The following NEGR1 variants were observed in gnomAD, a reference collection of about 807,000 sequenced individuals.
NEGR1 encodes IgLON family member 4.
Under a neutral mutation model 40.9 loss-of-function variants are expected in NEGR1, and 10 were observed. The ratio of observed to expected loss-of-function variants is 0.24; its 90% CI spans 0.15 to 0.42. NEGR1 has a LOEUF of 0.42. NEGR1 is among the 10% of genes least tolerant of loss of function. The probability of loss-of-function intolerance (pLI) is 1.00; values close to 1 mark genes in which losing one functional copy is unlikely to be tolerated. For missense variants in NEGR1, 352 were observed against 438.9 expected, an observed-to-expected ratio of 0.80 and a Z score of 1.77; for synonymous variants, 185 against 166.8, an observed-to-expected ratio of 1.11 and a Z score of -0.84.
intron 1 of NEGR1, among the ~76,000 whole-genome samples, chr1:72,024,021 A>C (rs1196744980): frequency 3.9e-5 from 6 of 152,096 alleles, no homozygotes; most frequent in Admixed American, 6.6e-5. Context: ...TATATAAGCT[A>C]TCATATTTCC....
chr1:72,217,329 T>A (rs1393389260), intron 1 of NEGR1, among the ~76,000 whole-genome samples: 6 of 151,892 alleles, frequency 4.0e-5, no homozygotes, highest in African/African-American at 1.4e-4. Flanking sequence ...AAAATTGAAC[T>A]TTTTCAACAA....
intron 1 of NEGR1, among the ~76,000 whole-genome samples, chr1:71,994,865 T>C (rs1455079541): frequency 1.3e-5 from 2 of 152,066 alleles, no homozygotes; most frequent in African/African-American, 4.8e-5. Context: ...TTTTTTTCAC[T>C]CTTACCTTGA....
intron 6 of NEGR1, among the ~76,000 whole-genome samples, chr1:71,491,572 C>T (rs1014739972): frequency 9.3e-6 from 1 of 107,556 alleles, no homozygotes; most frequent in African/African-American, 3.4e-5. Flanking sequence ...CACCTCAGGG[C>T]TTGACTTTTT....
intron 1 of NEGR1, among the ~76,000 whole-genome samples, chr1:72,269,583 A>G (rs1001824945): frequency 7.2e-5 from 11 of 151,820 alleles, no homozygotes; most frequent in Admixed American, 7.2e-4. Context: ...CTCAGCTTCT[A>G]TGAGGTTGTT....
chr1:71,880,332 T>G (rs1660548562), intron 2 of NEGR1, among the ~76,000 whole-genome samples: 1 of 152,072 alleles, frequency 6.6e-6, no homozygotes, highest in African/African-American at 2.4e-5. Context: ...ACAATTTTAC[T>G]ATACTCTTAG....
At chr1:71,685,858 G>T (rs938343486) in intron 4 of NEGR1, among the ~76,000 whole-genome samples, 1 of 152,006 alleles carries the variant, frequency 6.6e-6, no homozygotes, top group Non-Finnish European at 1.5e-5. Flanking sequence ...ATACTTTTTT[G>T]AAGAAACTTA....
chr1:72,213,992 C>T (rs927494565), intron 1 of NEGR1, among the ~76,000 whole-genome samples: 7 of 152,014 alleles, frequency 4.6e-5, no homozygotes, highest in South Asian at 2.1e-4. Context: ...ATGAATCTAG[C>T]GGCACATCAA....
chr1:71,597,997 A>G (rs762242912), intron 5 of NEGR1, among the ~76,000 whole-genome samples: 2 of 152,194 alleles, frequency 1.3e-5, no homozygotes, highest in Non-Finnish European at 2.9e-5. Context: ...AACTTTAAGC[A>G]TGTTGAAATG....
chr1:71,784,670 C>G (rs564416026), intron 2 of NEGR1, among the ~76,000 whole-genome samples: 1 of 152,272 alleles, frequency 6.6e-6, no homozygotes, highest in Non-Finnish European at 1.5e-5. Context: ...AAATTACTTT[C>G]TTCTATTTTC....
intron 3 of NEGR1, among the ~76,000 whole-genome samples, chr1:71,745,309 A>T (rs896580031): frequency 6.6e-6 from 1 of 152,184 alleles, no homozygotes; most frequent in African/African-American, 2.4e-5. Context: ...CTTCCAGTGC[A>T]ACGTCTAAAA....
At chr1:71,635,028 G>A (rs994338252) in intron 4 of NEGR1, among the ~76,000 whole-genome samples, 3 of 152,034 alleles carry the variant, frequency 2.0e-5, no homozygotes, top group Non-Finnish European at 4.4e-5. Flanking sequence ...AATGATTAAT[G>A]AAATAGAAGG....
intron 2 of NEGR1, among the ~76,000 whole-genome samples, chr1:71,931,463 A>T (rs1175151846): frequency 2.1e-5 from 3 of 144,296 alleles, no homozygotes; most frequent in Non-Finnish European, 4.5e-5. Flanking sequence ...TATTTGGCTC[A>T]TATTTTTGGG....
chr1:71,771,526 C>A (rs1018843563), intron 3 of NEGR1, among the ~76,000 whole-genome samples: 4 of 151,466 alleles, frequency 2.6e-5, no homozygotes, highest in Non-Finnish European at 5.9e-5. Flanking sequence ...CATGGAGAAA[C>A]CCTCTCTCTA....
chr1:71,809,958 A>T (rs1313366482), intron 2 of NEGR1, among the ~76,000 whole-genome samples: 1 of 151,986 alleles, frequency 6.6e-6, no homozygotes, highest in East Asian at 1.9e-4. Context: ...CATCTCAGAC[A>T]AATGGTAATT....
chr1:71,622,706 T>G (rs1028855630), intron 4 of NEGR1, among the ~76,000 whole-genome samples: 1 of 151,630 alleles, frequency 6.6e-6, no homozygotes, highest in Admixed American at 6.6e-5. Context: ...TCGAGATAGG[T>G]GAAGTCAATC....
chr1:72,036,844 T>C (rs1489690034), intron 1 of NEGR1, among the ~76,000 whole-genome samples: 2 of 152,044 alleles, frequency 1.3e-5, no homozygotes, highest in African/African-American at 4.8e-5. Flanking sequence ...TCAATATGGT[T>C]AATTTCTTTT....
At chr1:72,092,200 G>A (rs1648526119) in intron 1 of NEGR1, among the ~76,000 whole-genome samples, 1 of 152,128 alleles carries the variant, frequency 6.6e-6, no homozygotes, top group Non-Finnish European at 1.5e-5. Flanking sequence ...GGAAGTGTCA[G>A]ATAAATGACA....
intron 6 of NEGR1, among the ~76,000 whole-genome samples, chr1:71,523,850 T>C (rs574394814): frequency 6.6e-6 from 1 of 152,030 alleles, no homozygotes; most frequent in South Asian, 2.1e-4. Flanking sequence ...AATTTGCTAA[T>C]TTTGGACTAC....
intron 6 of NEGR1, among the ~76,000 whole-genome samples, chr1:71,535,517 T>C (rs950194598): frequency 3.3e-5 from 5 of 151,736 alleles, no homozygotes; most frequent in African/African-American, 9.7e-5. Flanking sequence ...ATCCACTCTA[T>C]AATTTCAGCT....
Sources: allele counts gnomAD v4.1 joint callset (sites outside exome capture counted in the v4.1 genomes callset), GRCh38; gene constraint gnomAD v4.1.1; transcripts MANE v1.5; gene names NCBI Gene and HGNC (gene_info 2026-07-23, HGNC 2026-07-21).